Variants in SPOCK1 observed in about 807,000 individuals in gnomAD.
The protein encoded by SPOCK1 is testican-1.
A neutral mutation model predicts 55.3 loss-of-function variants in SPOCK1; 23 were observed. The ratio of observed to expected loss-of-function variants is 0.42; its 90% CI spans 0.30 to 0.59. The LOEUF is 0.59. SPOCK1 is among the 20% of genes least tolerant of loss of function. SPOCK1 has a pLI of 0.22. For synonymous variants in SPOCK1, 226 were observed against 221.0 expected, an observed-to-expected ratio of 1.02 and a Z score of -0.20; for missense variants, 499 against 552.5, an observed-to-expected ratio of 0.90 and a Z score of 0.97.
chr5:136,996,595 AG>A (rs1355762912), intron 6 of SPOCK1, among the ~76,000 whole-genome samples: 3 of 152,112 alleles, frequency 2.0e-5, no homozygotes, highest in African/African-American at 7.2e-5. Context: ...TCCTACTGAG[AG>A]GTGAAGCCAG....
intron 3 of SPOCK1, among the ~76,000 whole-genome samples, chr5:137,185,674 T>C (rs551419869): frequency 6.6e-6 from 1 of 151,318 alleles, no homozygotes; most frequent in African/African-American, 2.4e-5. Context: ...GGGATGGGCA[T>C]GAGATTAGGT....
chr5:137,189,475 A>T (rs1292363178), intron 3 of SPOCK1, among the ~76,000 whole-genome samples: 1 of 152,206 alleles, frequency 6.6e-6, no homozygotes, highest in Non-Finnish European at 1.5e-5. Context: ...CGAAGCTCAG[A>T]TGACAGCACA....
intron 5 of SPOCK1, among the ~76,000 whole-genome samples, chr5:137,108,503 A>G (rs972199717): frequency 3.3e-5 from 5 of 152,146 alleles, no homozygotes; most frequent in African/African-American, 9.7e-5. Flanking sequence ...TTTTCCCTTT[A>G]TCTTCCAATA....
At chr5:137,497,009 TA>T (rs1214939680) in intron 2 of SPOCK1, among the ~76,000 whole-genome samples, 1 of 151,600 alleles carries the variant, frequency 6.6e-6, no homozygotes, top group East Asian at 1.9e-4. Context: ...AGGAGAGTGA[TA>T]AACCCCCACA....
At chr5:137,212,759 G>A (rs1362179583) in intron 3 of SPOCK1, among the ~76,000 whole-genome samples, 1 of 152,206 alleles carries the variant, frequency 6.6e-6, no homozygotes, top group Non-Finnish European at 1.5e-5. Context: ...TTGCCAGATT[G>A]CTTTACCCTG....
intron 3 of SPOCK1, among the ~76,000 whole-genome samples, chr5:137,225,652 G>A (rs1022035971): frequency 6.6e-6 from 1 of 152,204 alleles, no homozygotes; most frequent in Non-Finnish European, 1.5e-5. Context: ...TTCTCCACTT[G>A]AGCATCCTTT....
chr5:136,991,631 A>G (rs1199331892), intron 7 of SPOCK1, among the ~76,000 whole-genome samples: 1 of 152,220 alleles, frequency 6.6e-6, no homozygotes, highest in African/African-American at 2.4e-5. Flanking sequence ...TTTTGACCAA[A>G]TAATATCAGA....
intron 3 of SPOCK1, among the ~76,000 whole-genome samples, chr5:137,192,232 C>CAAA (rs60401497): frequency 6.6e-4 from 45 of 68,112 alleles, no homozygotes; most frequent in African/African-American, 8.5e-4. Flanking sequence ...GACTCTGTCT[C>CAAA]AAAAAAAAAA....
At chr5:137,095,354 T>C (rs10052528) in intron 5 of SPOCK1, among the ~76,000 whole-genome samples, 51,287 of 152,052 alleles carry the variant, frequency 0.34, 8,750 homozygotes, top group Middle Eastern at 0.36. Flanking sequence ...AAAAAAACCT[T>C]AGTATCTGCA....
intron 3 of SPOCK1, among the ~76,000 whole-genome samples, chr5:137,154,728 C>A (rs1288455435): frequency 6.6e-6 from 1 of 152,106 alleles, no homozygotes; most frequent in Non-Finnish European, 1.5e-5. Flanking sequence ...CCTCACAGAC[C>A]CATGGGGCTG....
intron 3 of SPOCK1, among the ~76,000 whole-genome samples, chr5:137,179,737 C>A (rs1486396366): frequency 1.3e-5 from 2 of 152,172 alleles, no homozygotes; most frequent in African/African-American, 4.8e-5. Context: ...CACCTAATGA[C>A]TTGCCAGTCA....
chr5:137,056,596 A>T (rs1000141357), intron 6 of SPOCK1, among the ~76,000 whole-genome samples: 43 of 147,352 alleles, frequency 2.9e-4, no homozygotes, highest in African/African-American at 6.0e-4. Flanking sequence ...AAGGACTTTT[A>T]TTTTTTTTTT....
chr5:137,463,775 C>T (rs541147159), intron 2 of SPOCK1, among the ~76,000 whole-genome samples: 1 of 151,162 alleles, frequency 6.6e-6, no homozygotes, highest in Non-Finnish European at 1.5e-5. Context: ...TGGCAAAACC[C>T]CATCTCTACT....
intron 3 of SPOCK1, among the ~76,000 whole-genome samples, chr5:137,248,927 G>A (rs1756453641): frequency 6.6e-6 from 1 of 152,198 alleles, no homozygotes; most frequent in Non-Finnish European, 1.5e-5. Flanking sequence ...CATTTCTTAT[G>A]TTATCAAAGA....
chr5:137,437,717 C>G (rs1027122964), intron 2 of SPOCK1, among the ~76,000 whole-genome samples: 2 of 152,170 alleles, frequency 1.3e-5, no homozygotes, highest in Non-Finnish European at 2.9e-5. Context: ...ACCTTATATA[C>G]TTGTCATTTA....
At chr5:137,470,570 C>T (rs568228234) in intron 2 of SPOCK1, among the ~76,000 whole-genome samples, 1 of 152,152 alleles carries the variant, frequency 6.6e-6, no homozygotes, top group Non-Finnish European at 1.5e-5. Context: ...CCCCACCATG[C>T]CCTGAAGTGG....
At chr5:137,336,406 T>C (rs1379705628) in intron 2 of SPOCK1, among the ~76,000 whole-genome samples, 1 of 152,208 alleles carries the variant, frequency 6.6e-6, no homozygotes, top group Non-Finnish European at 1.5e-5. Context: ...TTCTCTCCTC[T>C]GACCTCAGGA....
At chr5:137,426,256 A>G (rs1043904158) in intron 2 of SPOCK1, among the ~76,000 whole-genome samples, 4 of 152,206 alleles carry the variant, frequency 2.6e-5, no homozygotes, top group African/African-American at 9.7e-5. Context: ...CTTTTAATCT[A>G]TATATACCAT....
chr5:137,025,429 C>T (rs960376423), intron 6 of SPOCK1, among the ~76,000 whole-genome samples: 4 of 152,206 alleles, frequency 2.6e-5, no homozygotes, highest in Non-Finnish European at 5.9e-5. Context: ...TACATTACCT[C>T]TGCCCATATC....
Sources: gnomAD v4.1 joint callset for allele counts (sites outside exome capture counted in the v4.1 genomes callset) on GRCh38, gnomAD v4.1.1 for gene constraint, MANE v1.5 for transcripts, NCBI Gene and HGNC (gene_info 2026-07-23, HGNC 2026-07-21) for gene names.